RYR2: variants seen among roughly 807,000 people sequenced by gnomAD.
The protein encoded by RYR2 is cardiac muscle ryanodine receptor-calcium release channel.
A neutral mutation model predicts 601.1 loss-of-function variants in RYR2; 227 were observed. The ratio of observed to expected loss-of-function variants is 0.38; its 90% CI spans 0.34 to 0.42. The LOEUF (loss-of-function observed/expected upper bound fraction) is 0.42, where lower values mean the gene tolerates loss of function less well. RYR2 is among the 10% of genes least tolerant of loss of function. The pLI is 1.00. For missense variants in RYR2, 4,646 were observed against 6,156.5 expected, an observed-to-expected ratio of 0.75 and a Z score of 8.21; for synonymous variants, 2,223 against 2,175.1, an observed-to-expected ratio of 1.02 and a Z score of -0.61.
intron 70 of RYR2, among the ~76,000 whole-genome samples, chr1:237,711,398 C>T (rs577360989): frequency 1.3e-5 from 2 of 152,098 alleles, no homozygotes; most frequent in South Asian, 2.1e-4. Context: ...TATGTGTCCT[C>T]GGAAAGTCTA....
intron 97 of RYR2, among the ~76,000 whole-genome samples, chr1:237,801,048 A>G (rs1046555439): frequency 1.2e-4 from 8 of 65,526 alleles, no homozygotes; most frequent in African/African-American, 2.0e-4. Flanking sequence ...TGAAGTAAAA[A>G]CAAAACAATT....
intron 67 of RYR2, among the ~76,000 whole-genome samples, chr1:237,705,760 G>A (rs1688318269): frequency 1.3e-5 from 2 of 152,212 alleles, no homozygotes; most frequent in African/African-American, 4.8e-5. Flanking sequence ...GAGAGAAAAA[G>A]AGAAGTTTAA....
intron 1 of RYR2, among the ~76,000 whole-genome samples, chr1:237,214,011 C>A (rs1682897617): frequency 6.8e-6 from 1 of 147,072 alleles, no homozygotes; most frequent in African/African-American, 2.5e-5. Context: ...ACCTCTGCCT[C>A]CCAGGTTTAA....
Position 237,422,509 on chromosome 1 carries a change from C to T in RYR2, c.849-583C>T, listed in dbSNP as rs572522380. ...TTCTTGGCTTATCTTTTTTGTTCAT[C>T]GCGTTCTAATAATATAATTGTTCCA... is the stretch of plus-strand genomic sequence containing the variant. On this transcript the variant is annotated intron_variant, in intron 11 of 104. Transcript: ENST00000366574. Among the ~76,000 whole-genome samples the T allele has an allele frequency of 1.6e-4, 25 of 151,892 alleles. 1 individual carries two copies. In the South Asian group the frequency reaches 3.1e-3, roughly 19 times the overall value.
intron 17 of RYR2, among the ~76,000 whole-genome samples, chr1:237,485,022 GTGTTCTACAAACAAA>G (rs1328689884): frequency 3.9e-5 from 6 of 152,150 alleles, no homozygotes; most frequent in Non-Finnish European, 5.9e-5. Context: ...CCTCAATTTT[GTGTTCTACAAACAAA>G]CAGCACAGAA....
At chr1:237,729,428 G>A (rs140656073) in intron 76 of RYR2, among the ~76,000 whole-genome samples, 46 of 152,218 alleles carry the variant, frequency 3.0e-4, no homozygotes, top group Middle Eastern at 3.4e-3. Flanking sequence ...TAGCAGTTCC[G>A]GCTGCGTTGG....
chr1:237,166,786 C>A (rs1034243205), intron 1 of RYR2, among the ~76,000 whole-genome samples: 35 of 152,062 alleles, frequency 2.3e-4, no homozygotes, highest in African/African-American at 8.5e-4. Flanking sequence ...TCATTCGTTG[C>A]CTTACATATT....
chr1:237,637,936 A>G (rs2148721133), intron 44 of RYR2, among the ~76,000 whole-genome samples: 1 of 152,246 alleles, frequency 6.6e-6, no homozygotes, highest in African/African-American at 2.4e-5. Context: ...GATTGTGGGT[A>G]GATGAAAACA....
At chr1:237,501,010 C>A in intron 21 of RYR2, 107 bp downstream of exon 21, 1 of 1,070,490 alleles carries the variant, frequency 9.3e-7, no homozygotes, top group Non-Finnish European at 1.4e-6. Context: ...GTTTGTCTCT[C>A]CTGGGCACCT....
At position 237,428,757 on chromosome 1, in the gene RYR2, TAA is replaced by T. The variant is rs56723155; in HGVS notation, c.1005+5521_1005+5522del. On this transcript the variant is annotated intron_variant, in intron 12 of 104. Coordinates refer to ENST00000366574, the MANE Select transcript of RYR2 (RefSeq NM_001035.3). ...ATTCTGCACATGTATCCTGGAACAT[TAA>T]AAAAAAAAAAATACAAGTCACTGAA... is the stretch of plus-strand genomic sequence containing the variant. 2.1e-3 allele frequency among the ~76,000 whole-genome samples: 307 copies of T among 146,584 alleles called. 1 individual carries two copies. The highest frequency in any genetic ancestry group is 5.7e-3 in the African/African-American group (226 of 39,826).
Position 237,589,983 on chromosome 1 carries a change from A to T in RYR2, c.3789A>T (p.Ser1263=). ...KRLPQFLQVP[S]NHEHIEVTRI... ...TTCCTCAGTTTCTTCAAGTTCCATC[A>T]AACCATGAACATATAGAGGTTTGCT... The change falls in exon 30 of 105, where the codon TCA becomes TCT. Residue 1263 remains serine (S), a synonymous_variant. Transcript: ENST00000366574. 2 of 1,613,894 alleles carry T rather than the reference A, an allele frequency of 1.2e-6. No homozygotes were observed. The highest frequency in any genetic ancestry group is 1.7e-6 in the Non-Finnish European group (2 of 1,179,830).
intron 24 of RYR2, among the ~76,000 whole-genome samples, chr1:237,524,747 G>GAT (rs1021211848): frequency 3.3e-5 from 5 of 151,794 alleles, no homozygotes; most frequent in African/African-American, 9.7e-5. Flanking sequence ...TGTATATACA[G>GAT]ATATATATAG....
At chr1:237,507,448 T>A (rs1665384888) in intron 23 of RYR2, among the ~76,000 whole-genome samples, 1 of 152,262 alleles carries the variant, frequency 6.6e-6, no homozygotes, top group South Asian at 2.1e-4. Flanking sequence ...TACTTTCATT[T>A]GTATGATATA....
intron 65 of RYR2, among the ~76,000 whole-genome samples, chr1:237,701,016 C>T (rs1286005114): frequency 2.6e-5 from 4 of 152,154 alleles, no homozygotes; most frequent in Non-Finnish European, 4.4e-5. Context: ...TAAAACTATA[C>T]ACAGAATGCC....
chr1:237,717,347 G>A lies in RYR2; in HGVS notation c.10473G>A (p.Leu3491=). 7 of 1,604,246 alleles carry A rather than the reference G, an allele frequency of 4.4e-6. No homozygotes were observed. The highest frequency in any genetic ancestry group is 6.0e-6 in the Non-Finnish European group (7 of 1,174,506). ...CAPGDQELIA[L]AKNRFSLKDT... ...CTGGGGACCAGGAGCTCATTGCTCT[G>A]GCCAAAAATCGATTTAGCCTGGTAA... Residue 3491 remains leucine (L), a synonymous_variant, in exon 72 of 105, where the codon CTG becomes CTA. Transcript: ENST00000366574.
chr1:237,217,784 G>A (rs1683355866), intron 1 of RYR2, among the ~76,000 whole-genome samples: 1 of 152,188 alleles, frequency 6.6e-6, no homozygotes, highest in African/African-American at 2.4e-5. Context: ...CAGGTTCTGT[G>A]GGATGCACCC....
At chr1:237,208,650 C>T (rs184569748) in intron 1 of RYR2, among the ~76,000 whole-genome samples, 20 of 151,880 alleles carry the variant, frequency 1.3e-4, no homozygotes, top group African/African-American at 4.8e-4. Flanking sequence ...TGTGAAATGA[C>T]GACCAAAACC....
rs1266360671 is a variant in RYR2 at position 237,270,518 on chromosome 1, T to G, written c.70T>G (p.Cys24Gly). The change falls in exon 2 of 105, where the codon TGC (cysteine) becomes GGC (glycine). Residue 24 changes from cysteine to glycine, a missense_variant. By Grantham distance (159) the Cys-to-Gly change is radical. Transcript: ENST00000366574. ...GCAGGATGATGAAGTGGTTCTGCAG[T>G]GCACCGCAACCATCCACAAAGAACA... Reference protein sequence around the residue: ...LRTDDEVVLQCTATIHKEQQK... With the variant: ...LRTDDEVVLQGTATIHKEQQK... 6.3e-7 allele frequency: 1 copy of G among 1,588,908 alleles called. No individual in the cohort carries two copies. The highest frequency in any genetic ancestry group is 8.6e-7 in the Non-Finnish European group (1 of 1,167,008).
intron 100 of RYR2, among the ~76,000 whole-genome samples, chr1:237,816,755 A>G (rs976617645): frequency 6.6e-6 from 1 of 152,300 alleles, no homozygotes; most frequent in African/African-American, 2.4e-5. Context: ...GTGTGGTAAA[A>G]CAAATTCAAA....
Sources: allele counts gnomAD v4.1 joint callset (sites outside exome capture counted in the v4.1 genomes callset), GRCh38; gene constraint gnomAD v4.1.1; transcripts MANE v1.5; gene names NCBI Gene and HGNC (gene_info 2026-07-23, HGNC 2026-07-21).